Variants in PRKCD observed in about 807,000 individuals in gnomAD.
PRKCD encodes the protein protein kinase C delta type.
Under a neutral mutation model 82.2 loss-of-function variants are expected in PRKCD, and 20 were observed. The observed-to-expected ratio is 0.24, with a 90% CI of 0.17 to 0.35. The LOEUF (loss-of-function observed/expected upper bound fraction) is 0.35, where lower values mean the gene tolerates loss of function less well. PRKCD is among the 10% of genes least tolerant of loss of function. The probability of loss-of-function intolerance (pLI) is 1.00; values close to 1 mark genes in which losing one functional copy is unlikely to be tolerated. For synonymous variants in PRKCD, 317 were observed against 337.0 expected, an observed-to-expected ratio of 0.94 and a Z score of 0.65; for missense variants, 607 against 899.0, an observed-to-expected ratio of 0.68 and a Z score of 4.15.
Position 53,185,587 on chromosome 3 carries a change from C to A in PRKCD, c.889-17C>A. 1 of 1,609,940 alleles carries A rather than the reference C, an allele frequency of 6.2e-7. No individual in the cohort carries two copies. The highest frequency in any genetic ancestry group is 8.5e-7 in the Non-Finnish European group (1 of 1,176,922). On this transcript the variant is annotated splice_polypyrimidine_tract_variant and intron_variant, in intron 10 of 18. Transcript: ENST00000330452. The stretch of plus-strand genomic sequence containing the variant: ...ATGGTCTGACCATCTGGCCCCCCAC[C>A]TCTGCTCCCTCCCCAGAGAGCCTCC...
chr3:53,163,476 C>T (rs782106547), intron 1 of PRKCD, among the ~76,000 whole-genome samples: 1 of 151,886 alleles, frequency 6.6e-6, no homozygotes, highest in Non-Finnish European at 1.5e-5. Context: ...GTGACCAAGA[C>T]CTCGGGCTCT....
intron 18 of PRKCD, among the ~76,000 whole-genome samples, chr3:53,191,709 G>A (rs955406511): frequency 5.3e-5 from 8 of 152,222 alleles, no homozygotes; most frequent in Non-Finnish European, 1.0e-4. Context: ...TTTATGGAAA[G>A]TGAAATTTGA....
intron 7 of PRKCD, 53 bp downstream of exon 7, chr3:53,181,785 G>A (rs1400139103): frequency 7.4e-6 from 12 of 1,612,464 alleles, no homozygotes; most frequent in Non-Finnish European, 1.0e-5. Context: ...GTGCTCACGT[G>A]TGCCAGTGCC....
intron 4 of PRKCD, 47 bp from the exon 5 acceptor site, chr3:53,181,160 G>C (rs782005394): frequency 6.3e-7 from 1 of 1,598,342 alleles, no homozygotes; most frequent in South Asian, 1.1e-5. Flanking sequence ...CCTGGCCCAG[G>C]CTGCCCTCAC....
At position 53,162,279 on chromosome 3, in the gene PRKCD, G is replaced by A. The variant is rs934223073; in HGVS notation, c.-132+851G>A. Among the ~76,000 whole-genome samples, 10 of 152,152 alleles carry A rather than the reference G, an allele frequency of 6.6e-5. No homozygotes were observed. In the East Asian group the frequency reaches 1.6e-3, roughly 24 times the overall value. On this transcript the variant is annotated intron_variant, in intron 1 of 18. Transcript: ENST00000330452. ...GATGAGGGGAGGAGGTCGGGGGGGG[G>A]GGTCCTCCTGGCTGGTGGTGGAGCG...
intron 2 of PRKCD, among the ~76,000 whole-genome samples, chr3:53,171,887 G>A (rs1703042939): frequency 6.6e-6 from 1 of 152,152 alleles, no homozygotes; most frequent in Non-Finnish European, 1.5e-5. Flanking sequence ...GGCAGTGAGA[G>A]CCTAGGAGGT....
At chr3:53,183,240 G>T in intron 8 of PRKCD, 34 bp downstream of exon 8, 4 of 1,608,188 alleles carry the variant, frequency 2.5e-6, no homozygotes, top group Non-Finnish European at 3.4e-6. Context: ...CTGGGGATCT[G>T]GGGGGCTTGG....
intron 1 of PRKCD, among the ~76,000 whole-genome samples, chr3:53,163,721 G>A (rs570113956): frequency 4.6e-5 from 7 of 152,152 alleles, no homozygotes; most frequent in Non-Finnish European, 1.0e-4. Flanking sequence ...CCTGGGAGCT[G>A]GGGCTAAAGA....
intron 17 of PRKCD, 63 bp from the exon 18 acceptor site, chr3:53,189,809 AT>A: frequency 6.2e-7 from 1 of 1,606,038 alleles, no homozygotes; most frequent in Non-Finnish European, 8.5e-7. Context: ...CCTGCTGGGG[AT>A]TTGCTGAAGC....
chr3:53,168,625 C>T (rs1319132209), intron 2 of PRKCD, among the ~76,000 whole-genome samples: 7 of 151,702 alleles, frequency 4.6e-5, no homozygotes, highest in African/African-American at 1.7e-4. Context: ...GGGCAGATCA[C>T]GGGGTGTGGT....
chr3:53,163,908 G>A (rs549546377), intron 1 of PRKCD, among the ~76,000 whole-genome samples: 2 of 152,184 alleles, frequency 1.3e-5, no homozygotes, highest in African/African-American at 4.8e-5. Flanking sequence ...AGCGATGGGG[G>A]AGACAGGGGT....
intron 7 of PRKCD, among the ~76,000 whole-genome samples, chr3:53,182,901 C>A (rs545883821): frequency 1.3e-5 from 2 of 152,358 alleles, no homozygotes; most frequent in South Asian, 4.1e-4. Context: ...TAAGCCCCTG[C>A]AGATTGGCCT....
chr3:53,181,498 G>A lies in PRKCD; in HGVS notation c.431G>A (p.Arg144His). 1.9e-6 allele frequency: 3 copies of A among 1,614,188 alleles called. No homozygotes were observed. The highest frequency in any genetic ancestry group is 2.5e-6 in the Non-Finnish European group (3 of 1,180,036). The change falls in exon 6 of 19, where the codon CGC becomes CAC. Residue 144 changes from arginine to histidine, a missense_variant. This residue lies in a region of PRKCD where 161 missense variants were observed against 227.0 expected (regional missense o/e 0.71). Transcript: ENST00000330452. ...EDEAKFPTMN[R>H]RGAIKQAKIH... is the part of the protein sequence containing the mutation. The stretch of plus-strand genomic sequence containing the variant: ...GAGGCCAAGTTCCCAACGATGAACC[G>A]CCGCGGAGCCATCAAACAGGCCAAA...
At chr3:53,177,275 C>T (rs1703244311) in intron 2 of PRKCD, among the ~76,000 whole-genome samples, 1 of 152,174 alleles carries the variant, frequency 6.6e-6, no homozygotes, top group South Asian at 2.1e-4. Context: ...TGGGAGTGAG[C>T]CACCATGCCC....
rs202232238 is a variant in PRKCD, at chr3:53,181,286, T to A, written c.376+19T>A. ...GACGTGGGTAAGAACTCCCTGGGGG[T>A]GGAGGGCTCCCTTGCCGGGTTCAGA... On this transcript the variant is annotated intron_variant, in intron 5 of 18. Transcript: ENST00000330452. 14 of 1,613,160 alleles carry A rather than the reference T, an allele frequency of 8.7e-6. No individual in the cohort carries two copies. In the South Asian group the frequency reaches 1.1e-4, roughly 13 times the overall value.
chr3:53,162,914 T>G (rs1475540126), intron 1 of PRKCD, among the ~76,000 whole-genome samples: 1 of 152,052 alleles, frequency 6.6e-6, no homozygotes. Context: ...TGTACTCACG[T>G]GTGGCTCTCC....
At position 53,192,665 on chromosome 3, in the gene PRKCD, G is replaced by A. The variant is rs1703971776; in HGVS notation, c.*399G>A. The A allele has an allele frequency of 6.8e-6, 1 of 147,400 alleles. No individual in the cohort carries two copies. Among genetic ancestry groups the A allele is most frequent in the Non-Finnish European group, 1.5e-5 (1 of 67,364 alleles). The allele number at this position is 147,400 out of a possible 1,614,324, so 9.1% of individuals were successfully genotyped here. A position where few individuals can be genotyped will look rare whatever the true frequency, so the allele number is the denominator to read the frequency against. Reference sequence around the variant, plus strand: ...AAAAAAAAAAAAAGGAGCACAAGCTGTTTGAACCACCAGGTTTATTTGTGT... The same window carrying A: ...AAAAAAAAAAAAAGGAGCACAAGCTATTTGAACCACCAGGTTTATTTGTGT... On this transcript the variant is annotated 3_prime_UTR_variant, in exon 19 of 19. Coordinates refer to ENST00000330452, the MANE Select transcript of PRKCD (RefSeq NM_006254.4).
intron 2 of PRKCD, among the ~76,000 whole-genome samples, chr3:53,176,366 G>A (rs2107246876): frequency 6.6e-6 from 1 of 152,384 alleles, no homozygotes; most frequent in Middle Eastern, 3.4e-3. Flanking sequence ...GGGCTGCAGG[G>A]TGAGGTCAGC....
chr3:53,191,760 AT>A (rs544916044), intron 18 of PRKCD, among the ~76,000 whole-genome samples: 152 of 152,148 alleles, frequency 1.0e-3, no homozygotes, highest in African/African-American at 3.6e-3. Flanking sequence ...TTTTCTTTTG[AT>A]TTTTTTTCCA....
Sources: gnomAD v4.1 joint callset for allele counts (sites outside exome capture counted in the v4.1 genomes callset) on GRCh38, gnomAD v4.1.1 for gene constraint, gnomAD v4.1.1 regional missense constraint, MANE v1.5 for transcripts, NCBI Gene and HGNC (gene_info 2026-07-23, HGNC 2026-07-21) for gene names.